POLR2E: variants seen among roughly 807,000 people sequenced by gnomAD.
POLR2E encodes the protein DNA-directed RNA polymerases I, II, and III subunit RPABC1.
In POLR2E, 35 loss-of-function variants were observed where a neutral mutation model predicts 29.8. The ratio of observed to expected loss-of-function variants is 1.17; its 90% CI spans 0.90 to 1.55. POLR2E has a LOEUF of 1.55. Among genes scored for constraint, POLR2E ranks in the 40% most tolerant of loss-of-function variants. POLR2E has a pLI of 0.00. For synonymous variants in POLR2E, 174 were observed against 112.6 expected, an observed-to-expected ratio of 1.55 and a Z score of -3.45; for missense variants, 287 against 288.6, an observed-to-expected ratio of 0.99 and a Z score of 0.04.
intron 1 of POLR2E, 73 bp downstream of exon 1, chr19:1,095,186 C>T: frequency 6.8e-7 from 1 of 1,462,420 alleles, no homozygotes; most frequent in Non-Finnish European, 9.5e-7. Flanking sequence ...CGAGGAGACG[C>T]CGTGCTCGAC....
At position 1,087,566 on chromosome 19, in the gene POLR2E, G is replaced by A. The variant is rs1419269715; in HGVS notation, c.*1169C>T. The stretch of plus-strand genomic sequence containing the variant: ...ATCCCCACCCAACTCCCCAGTCCCG[G>A]GAACCCCCATCCTACTTCCAGTCTC... On this transcript the variant is annotated 3_prime_UTR_variant, in exon 8 of 8. Coordinates refer to ENST00000615234, the MANE Select transcript of POLR2E (RefSeq NM_002695.5). The A allele has an allele frequency of 6.6e-6, 1 of 152,068 alleles. No homozygotes were observed. The highest frequency in any genetic ancestry group is 1.5e-5 in the Non-Finnish European group (1 of 68,058). The allele number at this position is 152,068 out of a possible 1,614,324, so 9.4% of individuals were successfully genotyped here. A position where few individuals can be genotyped will look rare whatever the true frequency, so the allele number is the denominator to read the frequency against.
At chr19:1,093,529 GCGC>G (rs1361822160) in intron 2 of POLR2E, among the ~76,000 whole-genome samples, 3 of 152,172 alleles carry the variant, frequency 2.0e-5, no homozygotes, top group Non-Finnish European at 4.4e-5. Context: ...CAAGGAGGCT[GCGC>G]TGACCCAGAC....
At position 1,087,420 on chromosome 19, in the gene POLR2E, T is replaced by A. The variant is rs1337564330; in HGVS notation, c.*1315A>T. The A allele has an allele frequency of 6.6e-6, 1 of 152,312 alleles. No homozygotes were observed. Among genetic ancestry groups the A allele is most frequent in the African/African-American group, 2.4e-5 (1 of 41,438 alleles). The allele number at this position is 152,312 out of a possible 1,614,324, so 9.4% of individuals were successfully genotyped here. A position where few individuals can be genotyped will look rare whatever the true frequency, so the allele number is the denominator to read the frequency against. On this transcript the variant is annotated 3_prime_UTR_variant, in exon 8 of 8. Transcript: ENST00000615234. ...CGCCCACCTCGGCCTCCCAAAGTGC[T>A]GGGATTACAGGCGTGAGCCACCGCG...
rs2043672541 is a variant in POLR2E, at chr19:1,086,651, C to T, written c.*2084G>A. The T allele has an allele frequency of 6.7e-6, 1 of 149,920 alleles. No homozygotes were observed. The highest frequency in any genetic ancestry group is 2.5e-5 in the African/African-American group (1 of 39,730). The allele number at this position is 149,920 out of a possible 1,614,324, so 9.3% of individuals were successfully genotyped here. On this transcript the variant is annotated 3_prime_UTR_variant, in exon 8 of 8. Coordinates refer to ENST00000615234, the MANE Select transcript of POLR2E (RefSeq NM_002695.5). ...GGGTGTTTTCTGTGGCAGCTGCAAG[C>T]TTAGAAGATTTTCTGTGGCAGCTGC...
chr19:1,090,064 G>GC lies in POLR2E; in HGVS notation c.488+22dup, dbSNP rs2043796330. On this transcript the variant is annotated intron_variant, in intron 5 of 7. Coordinates refer to ENST00000615234, the MANE Select transcript of POLR2E (RefSeq NM_002695.5). ...GTCTCGAGGGACAGGGAGGGGCGGG[G>GC]CCGGTGGGGCTGGAAAGGATACTAT... 3 of 1,606,972 alleles carry GC rather than the reference G, an allele frequency of 1.9e-6. No individual in the cohort carries two copies. The South Asian group carries it at 3.3e-5, about 18-fold the overall frequency.
rs780513362 is a variant in POLR2E at position 1,090,928 on chromosome 19, T to C, written c.409A>G (p.Ile137Val). 8.1e-6 allele frequency: 13 copies of C among 1,613,348 alleles called. No homozygotes were observed. The highest frequency in any genetic ancestry group is 1.0e-5 in the Non-Finnish European group (12 of 1,179,934). ...LEQFLQQELLINITEHELVPE... is the reference protein window; with the variant it reads ...LEQFLQQELLVNITEHELVPE... Reference sequence around the variant, plus strand: ...CCCACCTCGTGCTCCGTGATGTTGATGAGCAGCTCCTGCTGCAGAAACTGC... The same window carrying C: ...CCCACCTCGTGCTCCGTGATGTTGACGAGCAGCTCCTGCTGCAGAAACTGC... The change falls in exon 4 of 8, where the codon ATC becomes GTC. Residue 137 changes from isoleucine (I) to valine (V), a missense_variant. Coordinates refer to ENST00000615234, the MANE Select transcript of POLR2E (RefSeq NM_002695.5).
In POLR2E at chr19:1,092,311, A is replaced by G. The variant is rs1266489953; in HGVS notation, c.233-404T>C. ...CCTGAGGCCGGGTGCGGTGGCTCAC[A>G]CCTGTAATCCTAGCACTTTGGGAGG... On this transcript the variant is annotated intron_variant, in intron 2 of 7. Transcript: ENST00000615234. The G allele has an allele frequency of 3.8e-5, 7 of 183,750 alleles. No homozygotes were observed. In the East Asian group the frequency reaches 1.0e-3, roughly 27 times the overall value. 11.4% of individuals were successfully genotyped at this position (183,750 alleles called of 1,614,324 possible). A position where few individuals can be genotyped will look rare whatever the true frequency, so the allele number is the denominator to read the frequency against.
intron 3 of POLR2E, 37 bp downstream of exon 3, chr19:1,091,755 G>A (rs2043836331): frequency 2.2e-6 from 3 of 1,370,978 alleles, no homozygotes; most frequent in Non-Finnish European, 3.1e-6. Context: ...AGGCTGGGGA[G>A]GGGGAGAGGC....
intron 4 of POLR2E, 52 bp from the exon 5 acceptor site, chr19:1,090,197 G>A (rs750309554): frequency 3.9e-6 from 6 of 1,528,652 alleles, no homozygotes; most frequent in Admixed American, 1.7e-5. Context: ...GAGACCCCAC[G>A]TGGCTCCCAG....
Position 1,095,217 on chromosome 19 carries a change from C to T in POLR2E, c.57+42G>A, listed in dbSNP as rs1196274995. ...TCGACCCCACCTCGGGCCCCTACAC[C>T]CGCCGCCCGCGCCCCCGCCCCCAAC... On this transcript the variant is annotated intron_variant, in intron 1 of 7. Coordinates refer to ENST00000615234, the MANE Select transcript of POLR2E (RefSeq NM_002695.5). 1.9e-6 allele frequency: 3 copies of T among 1,604,688 alleles called. No individual in the cohort carries two copies. The South Asian group carries it at 3.3e-5, about 18-fold the overall frequency.
chr19:1,088,751 G>GGGGGAGAGTGGTCACACGAC (rs1270885685), intron 7 of POLR2E, 31 bp from the exon 8 acceptor site: 3 of 152,012 alleles, frequency 2.0e-5, no homozygotes, highest in Non-Finnish European at 4.4e-5. Context: ...TCACACGACA[G>GGGGGAGAGTGGTCACACGAC]GGGCAGATCC....
intron 4 of POLR2E, 112 bp from the exon 5 acceptor site, chr19:1,090,257 A>C: frequency 2.2e-6 from 2 of 899,184 alleles, no homozygotes; most frequent in Non-Finnish European, 1.8e-6. Flanking sequence ...CCTGAACCCC[A>C]CCCCGATCCC....
chr19:1,091,853 T>A lies in POLR2E; in HGVS notation c.287A>T (p.Glu96Val). Residue 96 changes from glutamate (E) to valine (V), a missense_variant, in exon 3 of 8, where the codon GAG becomes GTG. Transcript: ENST00000615234. ...TIKVYCQRMQ[E>V]ENITRALIVV... ...GATGAGAGCCCGTGTGATGTTCTCC[T>A]CCTGCATGCGCTGGCAGTACACCTT... 1 of 1,613,366 alleles carries A rather than the reference T, an allele frequency of 6.2e-7. No individual in the cohort carries two copies. The highest frequency in any genetic ancestry group is 1.3e-5 in the African/African-American group (1 of 75,028).
intron 3 of POLR2E, 109 bp downstream of exon 3, chr19:1,091,683 C>T (rs1308373225): frequency 1.4e-6 from 1 of 733,374 alleles, no homozygotes; most frequent in Non-Finnish European, 2.4e-6. Flanking sequence ...CCAGGGCACC[C>T]TGGCTGGCCT....
At position 1,090,004 on chromosome 19, in the gene POLR2E, G is replaced by A. The variant is rs759109756; in HGVS notation, c.489-42C>T. Reference sequence around the variant, plus strand: ...GGAAAATGCCAGACAGGGCCGTTGGGGGGGCAGGGGTGTGTGTGGGGGGGG... The same window carrying A: ...GGAAAATGCCAGACAGGGCCGTTGGAGGGGCAGGGGTGTGTGTGGGGGGGG... On this transcript the variant is annotated intron_variant, in intron 5 of 7. Transcript: ENST00000615234. 2.6e-5 allele frequency: 40 copies of A among 1,562,968 alleles called. No individual in the cohort carries two copies. The Middle Eastern group carries it at 6.7e-4, about 26-fold the overall frequency.
At chr19:1,090,283 C>T (rs2043800903) in intron 4 of POLR2E, 138 bp from the exon 5 acceptor site, 4 of 714,112 alleles carry the variant, frequency 5.6e-6, no homozygotes, top group East Asian at 5.4e-5. Context: ...CTCAGGGAGC[C>T]CACCCACCCC....
chr19:1,090,878 C>T (rs12151169), intron 4 of POLR2E, 30 bp downstream of exon 4: 55,537 of 1,595,954 alleles, frequency 0.035, 1,578 homozygotes, highest in East Asian at 0.16. Context: ...GCCGGCCCCA[C>T]GCAGGCGGGA....
chr19:1,089,116 CCT>C (rs1287521152), intron 7 of POLR2E, among the ~76,000 whole-genome samples: 5 of 152,256 alleles, frequency 3.3e-5, no homozygotes, highest in South Asian at 4.1e-4. Flanking sequence ...AGCTGTGCCT[CCT>C]CTCTCAGCTC....
intron 2 of POLR2E, among the ~76,000 whole-genome samples, chr19:1,093,482 G>A (rs927966735): frequency 6.6e-6 from 1 of 152,186 alleles, no homozygotes; most frequent in Non-Finnish European, 1.5e-5. Flanking sequence ...CATGGGGTGC[G>A]GAGGAATGGG....
Sources: gnomAD v4.1 joint callset for allele counts (sites outside exome capture counted in the v4.1 genomes callset) on GRCh38, gnomAD v4.1.1 for gene constraint, MANE v1.5 for transcripts, NCBI Gene and HGNC (gene_info 2026-07-23, HGNC 2026-07-21) for gene names.